The following CCNT2 variants were observed in gnomAD, a reference collection of about 807,000 sequenced individuals.
CCNT2 encodes the protein cyclin T2.
CCNT2 carries 18 observed loss-of-function variants against 70.0 expected under a neutral mutation model. The observed-to-expected ratio is 0.26, with a 90% confidence interval of 0.18 to 0.38. The LOEUF is 0.38. Ranked by LOEUF, CCNT2 falls within the 10% of genes least tolerant of loss-of-function variation. The pLI, the probability that CCNT2 is intolerant of heterozygous loss-of-function variation, is 1.00. For missense variants in CCNT2, 734 were observed against 890.2 expected (o/e 0.82, Z 2.23); for synonymous variants, 334 against 313.3 (o/e 1.07, Z -0.70).
chr2:134,931,044 G>GCTCCAC (rs549912519), intron 2 of CCNT2, among the ~76,000 whole-genome samples: 1 of 151,054 alleles, frequency 6.6e-6, no homozygotes, highest in South Asian at 2.1e-4. Flanking sequence ...CTCACTGCGT[G>GCTCCAC]CTCCACCTCC....
intron 2 of CCNT2, among the ~76,000 whole-genome samples, chr2:134,935,221 T>C (rs1332118568): frequency 1.3e-5 from 2 of 152,204 alleles, no homozygotes; most frequent in Non-Finnish European, 2.9e-5. Context: ...AAGGAAGAAA[T>C]AAGTTGAAAG....
Position 134,919,886 on chromosome 2 carries a change from A to G in CCNT2, c.235A>G (p.Lys79Glu). The G allele has an allele frequency of 6.3e-7, 1 of 1,597,428 alleles. No homozygotes were observed. The highest frequency in any genetic ancestry group is 8.5e-7 in the Non-Finnish European group (1 of 1,174,290). Residue 79 changes from lysine to glutamate, a missense_variant, in exon 2 of 9, where the codon AAA (lysine) becomes GAA (glutamate). Physicochemically the swap from Lys to Glu is moderately conservative, Grantham distance 56. Coordinates refer to ENST00000264157, the MANE Select transcript of CCNT2 (RefSeq NM_058241.3). ...GCACCATTCTTTCACCAAATTCAAC[A>G]AAAATGTAAGTACTAGTTGTCTGTT... ...YMHHSFTKFN[K>E]NIISSTALFL...
At chr2:134,922,768 A>T (rs77964142) in intron 2 of CCNT2, among the ~76,000 whole-genome samples, 5 of 152,068 alleles carry the variant, frequency 3.3e-5, no homozygotes, top group Non-Finnish European at 7.4e-5. Context: ...ACAAACTCCT[A>T]ATTTGGTCTT....
At position 134,957,288 on chromosome 2, in the gene CCNT2, A is replaced by G. The variant is rs1034466615; in HGVS notation, c.*2640A>G. 4 of 152,242 alleles carry G rather than the reference A, an allele frequency of 2.6e-5. No homozygotes were observed. Among genetic ancestry groups the G allele is most frequent in the African/African-American group, 9.6e-5 (4 of 41,466 alleles). 9.4% of individuals were successfully genotyped at this position (152,242 alleles called of 1,614,324 possible). A position where few individuals can be genotyped will look rare whatever the true frequency, so the allele number is the denominator to read the frequency against. The stretch of plus-strand genomic sequence containing the variant: ...TAAGTAGCCATAAATAAACCAAAAT[A>G]GTATCAAATTTAGGTATGAAATTCC... On this transcript the variant is annotated 3_prime_UTR_variant, in exon 9 of 9. Transcript: ENST00000264157.
chr2:134,937,422 T>G (rs751390496), intron 3 of CCNT2, among the ~76,000 whole-genome samples: 6 of 152,226 alleles, frequency 3.9e-5, no homozygotes, highest in Non-Finnish European at 8.8e-5. Flanking sequence ...CTACTGCTTA[T>G]CTCTCTGATA....
intron 2 of CCNT2, among the ~76,000 whole-genome samples, chr2:134,927,657 A>C (rs927863677): frequency 1.3e-5 from 2 of 152,348 alleles, no homozygotes; most frequent in Admixed American, 1.3e-4. Context: ...CCATTGCAGA[A>C]CAGGAGTTTT....
chr2:134,953,163 TAA>T, intron 8 of CCNT2, 65 bp from the exon 9 acceptor site: 1 of 1,134,742 alleles, frequency 8.8e-7, no homozygotes, highest in Admixed American at 2.4e-5. Flanking sequence ...ATAACTTTTA[TAA>T]GACAAGAAAT....
At chr2:134,919,094 G>A (rs1321562812) in intron 1 of CCNT2, 82 bp downstream of exon 1, 2 of 1,454,286 alleles carry the variant, frequency 1.4e-6, no homozygotes, top group African/African-American at 1.4e-5. Context: ...ACATGGCGCC[G>A]CCGGCCTCGG....
At position 134,954,279 on chromosome 2, in the gene CCNT2, TG is replaced by T; in HGVS notation, c.1826del (p.Gly609AlafsTer26). Reference sequence around the variant, plus strand: ...GGAGTCCTGTTGGCCTGAGCAGTGATGGCATTTCCTCTAGCTCCAGCTCTTC... The same window carrying T: ...GGAGTCCTGTTGGCCTGAGCAGTGATGCATTTCCTCTAGCTCCAGCTCTTC... ...LRSPVGLSSDGISSSSSSSRK... is the reference protein window; with the variant it reads ...LRSPVGLSSDXISSSSSSSRK... On this transcript the variant is annotated frameshift_variant, in exon 9 of 9. Coordinates refer to ENST00000264157, the MANE Select transcript of CCNT2 (RefSeq NM_058241.3). LOFTEE classifies it high-confidence loss of function. 6.2e-7 allele frequency: 1 copy of T among 1,614,174 alleles called. No homozygotes were observed. The highest frequency in any genetic ancestry group is 8.5e-7 in the Non-Finnish European group (1 of 1,180,004).
rs146778198 is a variant in CCNT2 at position 134,941,729 on chromosome 2, T to A, written c.431-883T>A. Among the ~76,000 whole-genome samples, 6 of 152,344 alleles carry A rather than the reference T, an allele frequency of 3.9e-5. No homozygotes were observed. In the East Asian group the frequency reaches 1.2e-3, roughly 29 times the overall value. On this transcript the variant is annotated intron_variant, in intron 4 of 8. Transcript: ENST00000264157. ...CATAAATCATTATAAAATATTTAGT[T>A]GTTATATAAAATCGTAATGTAATAT...
At chr2:134,919,185 G>T (rs1162478418) in intron 1 of CCNT2, among the ~76,000 whole-genome samples, 173 bp downstream of exon 1, 1 of 152,226 alleles carries the variant, frequency 6.6e-6, no homozygotes, top group African/African-American at 2.4e-5. Flanking sequence ...GAGGAAGGGA[G>T]GAGGAGATAG....
At chr2:134,945,201 G>A in intron 5 of CCNT2, 1 of 985,334 alleles carries the variant, frequency 1.0e-6, no homozygotes, top group South Asian at 4.7e-5. Flanking sequence ...GGGATTACAG[G>A]TGCCATGAAT....
chr2:134,942,852 C>A, intron 5 of CCNT2, 178 bp downstream of exon 5: 1 of 1,385,456 alleles, frequency 7.2e-7, no homozygotes, highest in South Asian at 1.7e-5. Flanking sequence ...GTGATTCTAC[C>A]TGGTATGTTA....
At chr2:134,927,698 A>C (rs1680395987) in intron 2 of CCNT2, among the ~76,000 whole-genome samples, 1 of 152,222 alleles carries the variant, frequency 6.6e-6, no homozygotes, top group South Asian at 2.1e-4. Context: ...AAATTGGTTA[A>C]GGTAATTTTT....
At position 134,919,690 on chromosome 2, in the gene CCNT2, C is replaced by T. The variant is rs1679727624; in HGVS notation, c.159-120C>T. 2.3e-5 allele frequency: 16 copies of T among 698,088 alleles called. 1 individual carries two copies. The South Asian group carries it at 2.6e-4, about 11-fold the overall frequency. 43.2% of individuals were successfully genotyped at this position (698,088 alleles called of 1,614,324 possible). On this transcript the variant is annotated intron_variant, in intron 1 of 8. Coordinates refer to ENST00000264157, the MANE Select transcript of CCNT2 (RefSeq NM_058241.3). ...CCGCGGGCATTTATTTCTTTATTTC[C>T]AGTTTGGGGTTTGGATTTGAATGGG...
At chr2:134,945,539 C>T (rs1681889241) in intron 5 of CCNT2, 1 of 984,248 alleles carries the variant, frequency 1.0e-6, no homozygotes, top group African/African-American at 1.7e-5. Flanking sequence ...TACAGTGGAG[C>T]CTCCTGTATC....
chr2:134,945,062 C>T (rs1053997120), intron 5 of CCNT2: 2 of 985,380 alleles, frequency 2.0e-6, no homozygotes, highest in Non-Finnish European at 2.4e-6. Flanking sequence ...ATTTCTCCTT[C>T]CCTCCCCACC....
At position 134,926,259 on chromosome 2, in the gene CCNT2, G is replaced by C. The variant is rs1680294073; in HGVS notation, c.240+6368G>C. Among the ~76,000 whole-genome samples the C allele has an allele frequency of 2.0e-5, 3 of 152,124 alleles. No homozygotes were observed. In the South Asian group the frequency reaches 6.2e-4, roughly 32 times the overall value. On this transcript the variant is annotated intron_variant, in intron 2 of 8. Transcript: ENST00000264157. ...ATTTTTGTGAGATATTAGCTTTCCT[G>C]AACTTTAAAAAGGTGATGTACCTTC...
At chr2:134,937,492 C>T (rs1681244441) in intron 3 of CCNT2, among the ~76,000 whole-genome samples, 1 of 151,948 alleles carries the variant, frequency 6.6e-6, no homozygotes, top group Non-Finnish European at 1.5e-5. Context: ...TTTAATTTTC[C>T]TAGAGTAATG....
Sources: gnomAD v4.1 joint callset for allele counts (sites outside exome capture counted in the v4.1 genomes callset) on GRCh38, gnomAD v4.1.1 for gene constraint, MANE v1.5 for transcripts, NCBI Gene and HGNC (gene_info 2026-07-23, HGNC 2026-07-21) for gene names.